Variants in TBCK observed in about 807,000 individuals in gnomAD.
The protein encoded by TBCK is TBC1 domain containing kinase.
A neutral mutation model predicts 113.4 loss-of-function variants in TBCK; 99 were observed. That is an observed-to-expected ratio of 0.87 (90% CI 0.74 to 1.03). TBCK has a LOEUF of 1.03. TBCK is among the 50% of genes least tolerant of loss of function. The pLI is 0.00. For missense variants in TBCK, 1,045 were observed against 1,061.3 expected, an observed-to-expected ratio of 0.98 and a Z score of 0.21; for synonymous variants, 369 against 370.8, an observed-to-expected ratio of 1.00 and a Z score of 0.05.
intron 24 of TBCK, among the ~76,000 whole-genome samples, chr4:106,099,557 T>C (rs1424526366): frequency 6.6e-6 from 1 of 152,166 alleles, no homozygotes; most frequent in Admixed American, 6.5e-5. Context: ...TAGCATTAAC[T>C]GATATAAAAA....
chr4:106,219,209 G>T (rs1757367259), intron 19 of TBCK, among the ~76,000 whole-genome samples: 1 of 132,024 alleles, frequency 7.6e-6, no homozygotes, highest in African/African-American at 2.9e-5. Flanking sequence ...ATCACACTCT[G>T]GGGCCTGTTG....
intron 25 of TBCK, among the ~76,000 whole-genome samples, chr4:106,072,661 A>C (rs996580914): frequency 2.0e-5 from 3 of 152,178 alleles, no homozygotes; most frequent in East Asian, 1.9e-4. Context: ...AGGTTGGGGA[A>C]GTTCTCCTGG....
At chr4:106,180,769 T>A (rs1023655613) in intron 22 of TBCK, among the ~76,000 whole-genome samples, 2 of 152,182 alleles carry the variant, frequency 1.3e-5, no homozygotes, top group Admixed American at 1.3e-4. Context: ...AATTTCTTAA[T>A]CCAGTCTATC....
intron 25 of TBCK, among the ~76,000 whole-genome samples, chr4:106,051,927 A>G (rs1734856099): frequency 6.6e-6 from 1 of 151,890 alleles, no homozygotes; most frequent in Non-Finnish European, 1.5e-5. Context: ...TTAGTAGGAA[A>G]GAGGTGGGAA....
At chr4:106,171,446 T>G (rs1276206310) in intron 22 of TBCK, among the ~76,000 whole-genome samples, 176 bp from the exon 23 acceptor site, 1 of 152,130 alleles carries the variant, frequency 6.6e-6, no homozygotes, top group Non-Finnish European at 1.5e-5. Flanking sequence ...TATGACTGGA[T>G]TGATGGAAAT....
At chr4:106,246,464 T>G (rs1760824431) in intron 10 of TBCK, among the ~76,000 whole-genome samples, 1 of 152,248 alleles carries the variant, frequency 6.6e-6, no homozygotes, top group East Asian at 1.9e-4. Context: ...ATGCAGAATA[T>G]AATGATATAT....
At chr4:106,102,074 CA>C (rs776620057) in intron 24 of TBCK, among the ~76,000 whole-genome samples, 2 of 151,984 alleles carry the variant, frequency 1.3e-5, no homozygotes, top group African/African-American at 4.8e-5. Flanking sequence ...TAAAAGCAAA[CA>C]AAAAAACGTG....
chr4:106,174,812 T>C (rs1452867717), intron 22 of TBCK, among the ~76,000 whole-genome samples: 1 of 152,072 alleles, frequency 6.6e-6, no homozygotes, highest in East Asian at 1.9e-4. Context: ...ACAAACATCA[T>C]TGCATTTCTA....
chr4:106,133,540 AAC>A (rs1476969115), intron 23 of TBCK, among the ~76,000 whole-genome samples: 2 of 152,344 alleles, frequency 1.3e-5, no homozygotes, highest in East Asian at 1.9e-4. Context: ...AAGGCTGGAA[AAC>A]ACACAAAAGA....
chr4:106,121,657 A>G (rs953963410), intron 23 of TBCK, among the ~76,000 whole-genome samples: 1 of 152,222 alleles, frequency 6.6e-6, no homozygotes, highest in Non-Finnish European at 1.5e-5. Flanking sequence ...AAAAGAATAG[A>G]GATTATAACA....
intron 6 of TBCK, 33 bp downstream of exon 6, chr4:106,251,833 C>A (rs761415591): frequency 6.9e-7 from 1 of 1,439,696 alleles, no homozygotes; most frequent in Admixed American, 2.3e-5. Flanking sequence ...TGCACAATTT[C>A]CTTTTATTAT....
intron 11 of TBCK, among the ~76,000 whole-genome samples, chr4:106,243,119 A>G (rs1256601161): frequency 6.6e-6 from 1 of 152,160 alleles, no homozygotes; most frequent in Non-Finnish European, 1.5e-5. Flanking sequence ...TATGTGCCAC[A>G]TATACATTGC....
intron 22 of TBCK, among the ~76,000 whole-genome samples, chr4:106,178,879 G>T (rs1284349554): frequency 6.6e-6 from 1 of 151,656 alleles, no homozygotes; most frequent in Admixed American, 6.6e-5. Flanking sequence ...TTTCTTTGAT[G>T]GGAGACTTTT....
intron 25 of TBCK, among the ~76,000 whole-genome samples, chr4:106,083,164 G>A (rs1032746259): frequency 6.6e-6 from 1 of 152,212 alleles, no homozygotes; most frequent in Non-Finnish European, 1.5e-5. Context: ...CCTGGGACTA[G>A]CAACTACCTA....
chr4:106,089,975 T>A (rs573214881), intron 25 of TBCK, among the ~76,000 whole-genome samples: 1 of 152,278 alleles, frequency 6.6e-6, no homozygotes, highest in South Asian at 2.1e-4. Flanking sequence ...GAGGGTGGCA[T>A]CCCACTTCCC....
chr4:106,260,725 T>C (rs1172301889), intron 4 of TBCK, among the ~76,000 whole-genome samples: 1 of 152,022 alleles, frequency 6.6e-6, no homozygotes, highest in East Asian at 1.9e-4. Flanking sequence ...TATGTATATA[T>C]GCATATGTAC....
intron 19 of TBCK, among the ~76,000 whole-genome samples, chr4:106,225,175 C>T (rs1047563758): frequency 6.6e-6 from 1 of 151,976 alleles, no homozygotes; most frequent in African/African-American, 2.4e-5. Flanking sequence ...TCTTATGTAA[C>T]ATATGGTCAA....
At chr4:106,207,242 A>T (rs961994516) in intron 20 of TBCK, among the ~76,000 whole-genome samples, 8 of 152,224 alleles carry the variant, frequency 5.3e-5, no homozygotes, top group African/African-American at 1.7e-4. Flanking sequence ...TTCAAGCTTT[A>T]GCAGTGCTCA....
intron 5 of TBCK, among the ~76,000 whole-genome samples, chr4:106,256,342 GC>G (rs1201674431): frequency 1.3e-5 from 2 of 152,162 alleles, no homozygotes; most frequent in Non-Finnish European, 2.9e-5. Flanking sequence ...CCAGCACTGA[GC>G]TGCCCTCAGC....
Sources: allele counts gnomAD v4.1 joint callset (sites outside exome capture counted in the v4.1 genomes callset), GRCh38; gene constraint gnomAD v4.1.1; transcripts MANE v1.5; gene names NCBI Gene and HGNC (gene_info 2026-07-23, HGNC 2026-07-21).